The following ADGRL2 variants were observed in gnomAD, a reference collection of about 807,000 sequenced individuals.
ADGRL2 encodes calcium-independent alpha-latrotoxin receptor 2.
ADGRL2 carries 44 observed loss-of-function variants against 157.4 expected under a neutral mutation model. That is an observed-to-expected ratio of 0.28 (90% CI 0.22 to 0.36). The LOEUF (loss-of-function observed/expected upper bound fraction) is 0.36, where lower values mean the gene tolerates loss of function less well. Ranked by LOEUF, ADGRL2 falls within the 10% of genes least tolerant of loss-of-function variation. ADGRL2 has a pLI of 1.00. For synonymous variants in ADGRL2, 585 were observed against 624.7 expected (o/e 0.94, Z 0.95); for missense variants, 1,510 against 1,768.9 (o/e 0.85, Z 2.63).
chr1:81,449,412 G>A (rs2077664329), intron 2 of ADGRL2, among the ~76,000 whole-genome samples: 1 of 152,208 alleles, frequency 6.6e-6, no homozygotes, highest in Non-Finnish European at 1.5e-5. Context: ...TGAATCCTAA[G>A]AAGTCTTTCA....
intron 1 of ADGRL2, among the ~76,000 whole-genome samples, chr1:81,402,187 G>A (rs902915229): frequency 1.3e-5 from 2 of 152,028 alleles, no homozygotes; most frequent in African/African-American, 4.8e-5. Flanking sequence ...TATACTGTGG[G>A]GTCCTGATAG....
At chr1:81,808,508 G>A (rs577244720) in intron 1 of ADGRL2, among the ~76,000 whole-genome samples, 2 of 151,918 alleles carry the variant, frequency 1.3e-5, no homozygotes, top group South Asian at 2.1e-4. Context: ...CATGACATAC[G>A]AGAAACTACT....
intron 1 of ADGRL2, among the ~76,000 whole-genome samples, chr1:81,819,741 A>G (rs757878301): frequency 6.6e-6 from 1 of 152,252 alleles, no homozygotes; most frequent in East Asian, 1.9e-4. Flanking sequence ...GCTAAAGAAT[A>G]CTTTTGTCAT....
intron 2 of ADGRL2, among the ~76,000 whole-genome samples, chr1:81,501,431 A>G (rs550916378): frequency 2.4e-3 from 365 of 152,350 alleles, no homozygotes; most frequent in Non-Finnish European, 2.3e-3. Context: ...ATTTCTGCTT[A>G]GAGCTGCTGT....
chr1:81,484,436 G>T (rs971182749), intron 2 of ADGRL2, among the ~76,000 whole-genome samples: 1 of 152,142 alleles, frequency 6.6e-6, no homozygotes, highest in Non-Finnish European at 1.5e-5. Flanking sequence ...TAGCCCTGAA[G>T]GCTGGGTCAG....
At chr1:81,899,803 G>T (rs1557871604) in intron 2 of ADGRL2, among the ~76,000 whole-genome samples, 1 of 152,058 alleles carries the variant, frequency 6.6e-6, no homozygotes, top group Non-Finnish European at 1.5e-5. Context: ...GCTTTAATTT[G>T]AGGATTTCTT....
At chr1:81,688,137 A>C (rs1220409981) in intron 3 of ADGRL2, among the ~76,000 whole-genome samples, 2 of 152,154 alleles carry the variant, frequency 1.3e-5, no homozygotes, top group Non-Finnish European at 2.9e-5. Context: ...TAACCTGATG[A>C]CAATGTGCCT....
intron 1 of ADGRL2, among the ~76,000 whole-genome samples, chr1:81,365,992 T>C (rs142913971): frequency 2.5e-3 from 379 of 152,284 alleles, no homozygotes; most frequent in South Asian, 0.014. Context: ...TAATAATAGT[T>C]TATTTCCATT....
chr1:81,429,902 G>C (rs1409049708), intron 1 of ADGRL2, among the ~76,000 whole-genome samples: 1 of 152,010 alleles, frequency 6.6e-6, no homozygotes, highest in Non-Finnish European at 1.5e-5. Context: ...TGTTGTTGTT[G>C]TTGTTTTTGA....
chr1:81,601,939 T>C (rs2081340011), intron 3 of ADGRL2, among the ~76,000 whole-genome samples: 1 of 152,044 alleles, frequency 6.6e-6, no homozygotes, highest in South Asian at 2.1e-4. Context: ...GTTCAAGAGA[T>C]GATGTTATGG....
intron 2 of ADGRL2, among the ~76,000 whole-genome samples, chr1:81,883,494 C>T (rs2094041167): frequency 6.6e-6 from 1 of 151,946 alleles, no homozygotes; most frequent in Non-Finnish European, 1.5e-5. Context: ...GTTACTAATT[C>T]TAAGAGAGTA....
intron 1 of ADGRL2, among the ~76,000 whole-genome samples, chr1:81,400,103 G>T (rs192078025): frequency 1.3e-5 from 2 of 152,290 alleles, no homozygotes; most frequent in African/African-American, 4.8e-5. Context: ...CTGTGGCAGT[G>T]GTGCTGGTAG....
At chr1:81,835,313 T>G (rs533101238) in intron 1 of ADGRL2, among the ~76,000 whole-genome samples, 1 of 152,158 alleles carries the variant, frequency 6.6e-6, no homozygotes, top group African/African-American at 2.4e-5. Context: ...TCTGATTGCT[T>G]GATCAGATCA....
At chr1:81,532,027 A>T (rs1386557127) in intron 2 of ADGRL2, among the ~76,000 whole-genome samples, 1 of 152,174 alleles carries the variant, frequency 6.6e-6, no homozygotes, top group Non-Finnish European at 1.5e-5. Context: ...GCTTGGAATT[A>T]AAACTAAATT....
chr1:81,790,303 GGAT>G (rs752724339), intron 2 of ADGRL2, among the ~76,000 whole-genome samples: 7 of 152,004 alleles, frequency 4.6e-5, no homozygotes, highest in South Asian at 2.1e-4. Context: ...ACACTCAACA[GGAT>G]GATTAGTAGT....
At chr1:81,719,201 G>T (rs2084215008) in intron 1 of ADGRL2, among the ~76,000 whole-genome samples, 1 of 152,148 alleles carries the variant, frequency 6.6e-6, no homozygotes, top group African/African-American at 2.4e-5. Flanking sequence ...ATAAATTAGA[G>T]TTCTCATATT....
intron 3 of ADGRL2, among the ~76,000 whole-genome samples, chr1:81,647,049 G>A (rs931048500): frequency 1.3e-5 from 2 of 152,136 alleles, no homozygotes; most frequent in Non-Finnish European, 2.9e-5. Flanking sequence ...AAATATTGTT[G>A]TTCCCAAGAG....
intron 3 of ADGRL2, among the ~76,000 whole-genome samples, chr1:81,928,144 G>A (rs1056642401): frequency 1.3e-5 from 2 of 151,942 alleles, no homozygotes; most frequent in African/African-American, 4.8e-5. Flanking sequence ...TCTAAATTTG[G>A]ACTAAAAAAG....
intron 14 of ADGRL2, among the ~76,000 whole-genome samples, chr1:81,968,630 T>C (rs1657835591): frequency 6.6e-6 from 1 of 152,218 alleles, no homozygotes; most frequent in Non-Finnish European, 1.5e-5. Context: ...CAAAATGGCT[T>C]CTGGAATATG....
Sources: allele counts gnomAD v4.1 joint callset (sites outside exome capture counted in the v4.1 genomes callset), GRCh38; gene constraint gnomAD v4.1.1; transcripts MANE v1.5; gene names NCBI Gene and HGNC (gene_info 2026-07-23, HGNC 2026-07-21).